PTPRD: variants seen among roughly 807,000 people sequenced by gnomAD.
PTPRD encodes receptor-type tyrosine-protein phosphatase delta.
In PTPRD, 34 loss-of-function variants were observed where a neutral mutation model predicts 214.5. That is an observed-to-expected ratio of 0.16 (90% CI 0.12 to 0.21). PTPRD has a LOEUF of 0.21. PTPRD is among the 10% of genes least tolerant of loss of function. PTPRD has a pLI of 1.00. For missense variants in PTPRD, 2,545 were observed against 2,398.7 expected, an observed-to-expected ratio of 1.06 and a Z score of -1.27; for synonymous variants, 1,128 against 845.7, an observed-to-expected ratio of 1.33 and a Z score of -5.79.
chr9:9,375,772 G>C (rs1019401419), intron 9 of PTPRD, among the ~76,000 whole-genome samples: 1 of 152,074 alleles, frequency 6.6e-6, no homozygotes, highest in South Asian at 2.1e-4. Context: ...CATAAAGTAG[G>C]ATGATGGTTA....
At chr9:10,070,103 A>G (rs908600840) in intron 3 of PTPRD, among the ~76,000 whole-genome samples, 5 of 152,084 alleles carry the variant, frequency 3.3e-5, no homozygotes, top group Admixed American at 6.6e-5. Context: ...CTTGCTCAGT[A>G]GAAGTGGAAA....
chr9:10,016,366 T>TAGAC (rs1161439352), intron 4 of PTPRD, among the ~76,000 whole-genome samples: 7 of 101,774 alleles, frequency 6.9e-5, no homozygotes, highest in Non-Finnish European at 1.5e-4. Context: ...ATTAGATAGA[T>TAGAC]AGATAGATAG....
chr9:9,363,431 T>A (rs1306338743), intron 9 of PTPRD, among the ~76,000 whole-genome samples: 1 of 151,374 alleles, frequency 6.6e-6, no homozygotes, highest in Non-Finnish European at 1.5e-5. Flanking sequence ...CTATCTCTAT[T>A]TTACTTAGAA....
chr9:9,405,010 G>C (rs756677509), intron 8 of PTPRD, among the ~76,000 whole-genome samples: 1 of 151,906 alleles, frequency 6.6e-6, no homozygotes, highest in Non-Finnish European at 1.5e-5. Flanking sequence ...ATCATTTCTG[G>C]ATTCAGGATA....
chr9:8,544,442 C>A (rs1288112579), intron 14 of PTPRD, among the ~76,000 whole-genome samples: 14 of 149,004 alleles, frequency 9.4e-5, no homozygotes, highest in African/African-American at 3.2e-4. Context: ...GCAGGAATTA[C>A]CTTGCAGGAA....
intron 12 of PTPRD, among the ~76,000 whole-genome samples, chr9:8,647,477 C>A (rs995148183): frequency 2.0e-5 from 3 of 151,942 alleles, no homozygotes; most frequent in Admixed American, 2.0e-4. Flanking sequence ...TCTTTTATGA[C>A]CACAAATAAA....
At chr9:10,320,115 C>G (rs2096527636) in intron 3 of PTPRD, among the ~76,000 whole-genome samples, 1 of 151,920 alleles carries the variant, frequency 6.6e-6, no homozygotes, top group Admixed American at 6.6e-5. Flanking sequence ...AAACTCTTGA[C>G]TTTTTAAAGA....
chr9:9,018,207 T>G (rs2099544402), intron 11 of PTPRD, among the ~76,000 whole-genome samples: 1 of 152,154 alleles, frequency 6.6e-6, no homozygotes. Context: ...GGGTGGTTGT[T>G]GTATTGTTCA....
intron 20 of PTPRD, 71 bp downstream of exon 20, chr9:8,521,206 G>A (rs2097884969): frequency 6.7e-7 from 1 of 1,499,252 alleles, no homozygotes; most frequent in Non-Finnish European, 9.0e-7. Context: ...TTCAAGGATG[G>A]GCTTTCTAGA....
At chr9:9,153,775 G>T (rs894340520) in intron 10 of PTPRD, among the ~76,000 whole-genome samples, 2 of 152,126 alleles carry the variant, frequency 1.3e-5, no homozygotes, top group African/African-American at 4.8e-5. Flanking sequence ...CTACTGCAGT[G>T]TTCCACAGCC....
chr9:9,259,179 C>T (rs1440126080), intron 9 of PTPRD, among the ~76,000 whole-genome samples: 2 of 151,868 alleles, frequency 1.3e-5, no homozygotes. Context: ...GGCAAAACTT[C>T]TTCAACCAGT....
chr9:8,461,568 C>G (rs2096404175), intron 32 of PTPRD, among the ~76,000 whole-genome samples: 1 of 151,636 alleles, frequency 6.6e-6, no homozygotes, highest in Non-Finnish European at 1.5e-5. Context: ...CTACCACTCA[C>G]TCCTCATCTC....
intron 8 of PTPRD, among the ~76,000 whole-genome samples, chr9:9,487,811 T>C (rs1268690670): frequency 6.6e-6 from 1 of 152,170 alleles, no homozygotes; most frequent in African/African-American, 2.4e-5. Flanking sequence ...GCTTCAGTTT[T>C]GAGGGTCAAA....
rs2098748516 is a variant in PTPRD, at chr9:8,911,497, A to C, written c.-104+107200T>G. Among the ~76,000 whole-genome samples, 4 of 152,014 alleles carry C rather than the reference A, an allele frequency of 2.6e-5. No homozygotes were observed. The South Asian group carries it at 8.3e-4, about 32-fold the overall frequency. ...TGACAACACTTTTGATACTTACCTC[A>C]AACTCCACACAAAAATTAACTCAAA... On this transcript the variant is annotated intron_variant, in intron 11 of 45. Transcript: ENST00000381196.
intron 14 of PTPRD, among the ~76,000 whole-genome samples, chr9:8,602,007 G>T (rs754140203): frequency 2.8e-4 from 42 of 151,880 alleles, no homozygotes; most frequent in Non-Finnish European, 5.0e-4. Context: ...GGACAGAAAA[G>T]GGTAGAAGAT....
chr9:9,431,420 A>C (rs2083074113), intron 8 of PTPRD, among the ~76,000 whole-genome samples: 1 of 152,096 alleles, frequency 6.6e-6, no homozygotes, highest in African/African-American at 2.4e-5. Flanking sequence ...GCTGGAGAGG[A>C]TGTGGAGAAA....
At chr9:9,727,610 T>A (rs1266154036) in intron 7 of PTPRD, among the ~76,000 whole-genome samples, 1 of 152,142 alleles carries the variant, frequency 6.6e-6, no homozygotes, top group Non-Finnish European at 1.5e-5. Flanking sequence ...TTCCTTGGAG[T>A]GTTAACAAAT....
chr9:10,317,604 A>C (rs1000073858), intron 3 of PTPRD, among the ~76,000 whole-genome samples: 2 of 151,998 alleles, frequency 1.3e-5, no homozygotes, highest in Non-Finnish European at 2.9e-5. Flanking sequence ...ATGTTGCTAA[A>C]TCTTTTAATG....
intron 5 of PTPRD, among the ~76,000 whole-genome samples, chr9:9,909,388 T>G (rs1051419918): frequency 6.6e-6 from 1 of 151,114 alleles, no homozygotes; most frequent in Non-Finnish European, 1.5e-5. Context: ...GGGCAGCTGC[T>G]AGGAAGTAAT....
Sources: gnomAD v4.1 joint callset for allele counts (sites outside exome capture counted in the v4.1 genomes callset) on GRCh38, gnomAD v4.1.1 for gene constraint, MANE v1.5 for transcripts, NCBI Gene and HGNC (gene_info 2026-07-23, HGNC 2026-07-21) for gene names.